The following ADIRF variants were observed in gnomAD, a reference collection of about 807,000 sequenced individuals.
ADIRF encodes the protein adipogenesis factor rich in obesity.
Under a neutral mutation model 7.8 loss-of-function variants are expected in ADIRF, and 9 were observed. The ratio of observed to expected loss-of-function variants is 1.15; its 90% confidence interval spans 0.70 to 2.01. ADIRF has a LOEUF of 2.01. Ranked by LOEUF, ADIRF falls within the 30% of genes most tolerant of loss-of-function variation. The probability of loss-of-function intolerance (pLI) is 0.00; values close to 1 mark genes in which losing one functional copy is unlikely to be tolerated. For synonymous variants in ADIRF, 48 were observed against 39.9 expected, an observed-to-expected ratio of 1.20 and a Z score of -0.77; for missense variants, 106 against 98.1, an observed-to-expected ratio of 1.08 and a Z score of -0.34.
chr10:86,970,039 C>T (rs1265560522), intron 1 of ADIRF, 161 bp from the exon 2 acceptor site: 7 of 555,596 alleles, frequency 1.3e-5, no homozygotes, highest in Admixed American at 4.0e-5. Context: ...TCCTGCCCCT[C>T]GGGCTGGGGG....
chr10:86,968,671 C>T, intron 1 of ADIRF, 66 bp downstream of exon 1: 5 of 1,545,382 alleles, frequency 3.2e-6, no homozygotes, highest in South Asian at 1.2e-5. Context: ...GCAGAAGCAG[C>T]GGGTCGGCGC....
chr10:86,970,248 A>G lies in ADIRF; in HGVS notation c.110A>G (p.Glu37Gly). The change falls in exon 2 of 3, where the codon GAG (glutamate) becomes GGG (glycine). Residue 37 changes from glutamate to glycine, a missense_variant. Transcript: ENST00000372013. ...AAQQVVDQAT[E>G]AGQKAMDQLA... ...CAGCAAGTGGTGGACCAGGCCACAG[A>G]GGCGGGGCAGAAAGGTCTGGTGGGG... 1 of 1,460,118 alleles carries G rather than the reference A, an allele frequency of 6.8e-7. No individual in the cohort carries two copies. Among genetic ancestry groups the G allele is most frequent in the Non-Finnish European group, 9.1e-7 (1 of 1,103,294 alleles). The allele number at this position is 1,460,118 out of a possible 1,614,324, so 90.4% of individuals were successfully genotyped here. A position where few individuals can be genotyped will look rare whatever the true frequency, so the allele number is the denominator to read the frequency against.
chr10:86,970,383 C>T lies in ADIRF; in HGVS notation c.125-93C>T. On this transcript the variant is annotated intron_variant, in intron 2 of 2. Coordinates refer to ENST00000372013, the MANE Select transcript of ADIRF (RefSeq NM_006829.3). The stretch of plus-strand genomic sequence containing the variant: ...AGCCCTCTGTCCACAATGCCCCAAG[C>T]AGGTCCCCCGGGAGACCCAGGCCAG... 3 of 1,506,534 alleles carry T rather than the reference C, an allele frequency of 2.0e-6. No homozygotes were observed. In the South Asian group the frequency reaches 3.6e-5, roughly 18 times the overall value. The allele number at this position is 1,506,534 out of a possible 1,614,324, so 93.3% of individuals were successfully genotyped here. A position where few individuals can be genotyped will look rare whatever the true frequency, so the allele number is the denominator to read the frequency against.
Position 86,970,532 on chromosome 10 carries a change from G to A in ADIRF, c.181G>A (p.Ala61Thr). Reference sequence around the variant, plus strand: ...AACCATCGACAAGACTGCTAACCAGGCCTCTGACACCTTCTCTGGGATTGG... The same window carrying A: ...AACCATCGACAAGACTGCTAACCAGACCTCTGACACCTTCTCTGGGATTGG... The part of the protein sequence containing the change: ...QETIDKTANQ[A>T]SDTFSGIGKK... The change falls in exon 3 of 3, where the codon GCC becomes ACC. Residue 61 changes from alanine (A) to threonine (T), a missense_variant. By Grantham distance (58) the Ala-to-Thr change is moderately conservative. Coordinates refer to ENST00000372013, the MANE Select transcript of ADIRF (RefSeq NM_006829.3). 6.2e-7 allele frequency: 1 copy of A among 1,613,658 alleles called. No homozygotes were observed. The highest frequency in any genetic ancestry group is 8.5e-7 in the Non-Finnish European group (1 of 1,179,850).
intron 1 of ADIRF, chr10:86,969,009 A>C: frequency 5.5e-6 from 1 of 183,402 alleles, no homozygotes; most frequent in Non-Finnish European, 1.1e-5. Flanking sequence ...TTTCCATCCC[A>C]CCCCCATCGC....
chr10:86,970,450 C>G (rs750487707), intron 2 of ADIRF, 26 bp from the exon 3 acceptor site: 2 of 1,598,376 alleles, frequency 1.3e-6, no homozygotes, highest in Non-Finnish European at 1.7e-6. Flanking sequence ...CCTGCCTGAC[C>G]TGCCCTCTCT....
Position 86,970,224 on chromosome 10 carries a change from A to G in ADIRF, c.86A>G (p.Gln29Arg), listed in dbSNP as rs1459138842. ...GTGTCAGCGGCCGGAGCGGCAGCTC[A>G]GCAAGTGGTGGACCAGGCCACAGAG... ...EAVSAAGAAA[Q>R]QVVDQATEAG... The change falls in exon 2 of 3, where the codon CAG becomes CGG. Residue 29 changes from glutamine (Q) to arginine (R), a missense_variant. Physicochemically the swap from Gln to Arg is conservative, Grantham distance 43. Transcript: ENST00000372013. 6.9e-7 allele frequency: 1 copy of G among 1,457,956 alleles called. No individual in the cohort carries two copies. The highest frequency in any genetic ancestry group is 2.8e-5 in the Admixed American group (1 of 36,336). The allele number at this position is 1,457,956 out of a possible 1,614,324, so 90.3% of individuals were successfully genotyped here.
chr10:86,968,604 C>T lies in ADIRF; in HGVS notation c.60C>T (p.Ala20=). ...KQQVEGTAQE[A]VSAAGAAAQQ... is the part of the protein sequence containing the mutation. ...AGGTGGAGGGGACCGCCCAGGAAGC[C>T]GGTGAGGATAGCGCGCGACCTAGGG... The change falls in exon 1 of 3, where the codon GCC becomes GCT. Residue 20 remains alanine (A), a splice_region_variant and synonymous_variant. Transcript: ENST00000372013. The T allele has an allele frequency of 6.2e-7, 1 of 1,613,180 alleles. No individual in the cohort carries two copies. The highest frequency in any genetic ancestry group is 8.5e-7 in the Non-Finnish European group (1 of 1,179,728).
Position 86,970,884 on chromosome 10 carries a change from G to C in ADIRF, c.*302G>C. 2.1e-6 allele frequency: 1 copy of C among 470,622 alleles called. No individual in the cohort carries two copies. The highest frequency in any genetic ancestry group is 1.6e-5 in the South Asian group (1 of 63,144). The allele number at this position is 470,622 out of a possible 1,614,324, so 29.2% of individuals were successfully genotyped here. ...TCCATCCCGCCACGCGCCTCCCGAA[G>C]CTCCCAGACCGGAGGCTCAGCCCCC... On this transcript the variant is annotated 3_prime_UTR_variant, in exon 3 of 3. Coordinates refer to ENST00000372013, the MANE Select transcript of ADIRF (RefSeq NM_006829.3).
At position 86,968,883 on chromosome 10, in the gene ADIRF, G is replaced by A. The variant is rs991312589; in HGVS notation, c.61+278G>A. 57 of 433,218 alleles carry A rather than the reference G, an allele frequency of 1.3e-4. 1 individual carries two copies. In the South Asian group the frequency reaches 1.6e-3, roughly 12 times the overall value. The allele number at this position is 433,218 out of a possible 1,614,324, so 26.8% of individuals were successfully genotyped here. On this transcript the variant is annotated intron_variant, in intron 1 of 2. Transcript: ENST00000372013. ...CAAGGAGGCCATGCTGGCGCTGGGCGGCCCGCCCAGGCCCTCAGGAGAGGG... is the reference window on the plus strand; with the variant it reads ...CAAGGAGGCCATGCTGGCGCTGGGCAGCCCGCCCAGGCCCTCAGGAGAGGG...
chr10:86,968,720 G>C, intron 1 of ADIRF, 115 bp downstream of exon 1: 1 of 1,263,844 alleles, frequency 7.9e-7, no homozygotes, highest in Non-Finnish European at 1.1e-6. Context: ...GGCTCGGAAG[G>C]CTCGGTCCTC....
Position 86,970,642 on chromosome 10 carries a change from C to T in ADIRF, c.*60C>T, listed in dbSNP as rs531379548. 7 of 1,398,306 alleles carry T rather than the reference C, an allele frequency of 5.0e-6. No homozygotes were observed. The African/African-American group carries it at 7.0e-5, about 14-fold the overall frequency. The allele number at this position is 1,398,306 out of a possible 1,614,324, so 86.6% of individuals were successfully genotyped here. A position where few individuals can be genotyped will look rare whatever the true frequency, so the allele number is the denominator to read the frequency against. ...CAGCAGGGAGACTTGGGTGACCCCC[C>T]TTCCAGGCGCCATCTAGCACAGCCT... On this transcript the variant is annotated 3_prime_UTR_variant, in exon 3 of 3. Transcript: ENST00000372013.
In ADIRF at chr10:86,970,688, C is replaced by G; in HGVS notation, c.*106C>G. 1 of 941,054 alleles carries G rather than the reference C, an allele frequency of 1.1e-6. No homozygotes were observed. The highest frequency in any genetic ancestry group is 1.7e-6 in the Non-Finnish European group (1 of 591,098). The allele number at this position is 941,054 out of a possible 1,614,324, so 58.3% of individuals were successfully genotyped here. On this transcript the variant is annotated 3_prime_UTR_variant, in exon 3 of 3. Coordinates refer to ENST00000372013, the MANE Select transcript of ADIRF (RefSeq NM_006829.3). ...AGCCTGGCCCTGATCTCCGGGCAGC[C>G]ACCACCTCCTCGGTCTGCCCCCTCA...
chr10:86,970,588 G>C lies in ADIRF; in HGVS notation c.*6G>C. The C allele has an allele frequency of 1.2e-6, 2 of 1,601,380 alleles. No homozygotes were observed. Among genetic ancestry groups the C allele is most frequent in the South Asian group, 1.1e-5 (1 of 89,582 alleles). ...AATTCGGCCTCCTGAAATGACAGCA[G>C]GGAGACTTGGGTCGGCCTCCTGAAA... On this transcript the variant is annotated 3_prime_UTR_variant, in exon 3 of 3. Coordinates refer to ENST00000372013, the MANE Select transcript of ADIRF (RefSeq NM_006829.3).
chr10:86,968,723 C>G (rs1025236872), intron 1 of ADIRF, 118 bp downstream of exon 1: 18 of 1,190,686 alleles, frequency 1.5e-5, no homozygotes, highest in African/African-American at 3.1e-5. Context: ...TCGGAAGGCT[C>G]GGTCCTCCAC....
rs769099707 is a variant in ADIRF at position 86,970,224 on chromosome 10, A to AG, written c.87dup (p.Gln30AlafsTer30). The stretch of plus-strand genomic sequence containing the variant: ...GTGTCAGCGGCCGGAGCGGCAGCTC[A>AG]GCAAGTGGTGGACCAGGCCACAGAG... On this transcript the variant is annotated frameshift_variant, in exon 2 of 3. Coordinates refer to ENST00000372013, the MANE Select transcript of ADIRF (RefSeq NM_006829.3). LOFTEE classifies it low-confidence loss of function (END_TRUNC). 5 of 1,457,956 alleles carry AG rather than the reference A, an allele frequency of 3.4e-6. No homozygotes were observed. The highest frequency in any genetic ancestry group is 4.5e-6 in the Non-Finnish European group (5 of 1,102,264). The allele number at this position is 1,457,956 out of a possible 1,614,324, so 90.3% of individuals were successfully genotyped here.
chr10:86,969,011 C>A, intron 1 of ADIRF: 1 of 185,666 alleles, frequency 5.4e-6, no homozygotes, highest in South Asian at 1.5e-4. Context: ...TCCATCCCAC[C>A]CCCATCGCCG....
intron 1 of ADIRF, 63 bp downstream of exon 1, chr10:86,968,668 C>T: frequency 6.4e-7 from 1 of 1,567,322 alleles, no homozygotes; most frequent in Non-Finnish European, 8.7e-7. Context: ...CAGGCAGAAG[C>T]AGCGGGTCGG....
Position 86,970,215 on chromosome 10 carries a change from C to T in ADIRF, c.77C>T (p.Ala26Val), listed in dbSNP as rs750300450. Residue 26 changes from alanine (A) to valine (V), a missense_variant, in exon 2 of 3, where the codon GCG (alanine) becomes GTG (valine). Transcript: ENST00000372013. Reference sequence around the variant, plus strand: ...TCTGTTCCAGTGTCAGCGGCCGGAGCGGCAGCTCAGCAAGTGGTGGACCAG... The same window carrying T: ...TCTGTTCCAGTGTCAGCGGCCGGAGTGGCAGCTCAGCAAGTGGTGGACCAG... Reference protein sequence around the residue: ...TAQEAVSAAGAAAQQVVDQAT... With the variant: ...TAQEAVSAAGVAAQQVVDQAT... 1.4e-6 allele frequency: 2 copies of T among 1,455,352 alleles called. No homozygotes were observed. Among genetic ancestry groups the T allele is most frequent in the Admixed American group, 2.8e-5 (1 of 36,154 alleles). The allele number at this position is 1,455,352 out of a possible 1,614,324, so 90.2% of individuals were successfully genotyped here. A position where few individuals can be genotyped will look rare whatever the true frequency, so the allele number is the denominator to read the frequency against.
Sources: gnomAD v4.1 joint callset for allele counts on GRCh38, gnomAD v4.1.1 for gene constraint, MANE v1.5 for transcripts, NCBI Gene and HGNC (gene_info 2026-07-23, HGNC 2026-07-21) for gene names.